TRIM39: variants seen among roughly 807,000 people sequenced by gnomAD.
TRIM39 encodes tripartite motif containing 39.
A neutral mutation model predicts 53.6 loss-of-function variants in TRIM39; 5 were observed. The observed-to-expected ratio is 0.09, with a 90% confidence interval of 0.05 to 0.20. The LOEUF is 0.20. Ranked by LOEUF, TRIM39 falls within the 10% of genes least tolerant of loss-of-function variation. The pLI is 1.00. For synonymous variants in TRIM39, 196 were observed against 237.6 expected, an observed-to-expected ratio of 0.82 and a Z score of 1.61; for missense variants, 310 against 621.0, an observed-to-expected ratio of 0.50 and a Z score of 5.32.
At chr6:30,332,075 T>C (rs1025621942) in intron 4 of TRIM39, among the ~76,000 whole-genome samples, 1 of 152,200 alleles carries the variant, frequency 6.6e-6, no homozygotes, top group Non-Finnish European at 1.5e-5. Flanking sequence ...AACCTAGATA[T>C]TCTTTAAGGT....
chr6:30,342,505 C>A lies in TRIM39; in HGVS notation c.*246C>A. On this transcript the variant is annotated 3_prime_UTR_variant, in exon 8 of 8. Transcript: ENST00000396551. The surrounding 1 kb of genome is among the most constrained non-coding windows in gnomAD (Gnocchi z 4.7). The stretch of plus-strand genomic sequence containing the variant: ...GCTGGTTCCCAGAGGATTGTCTACC[C>A]TGAAGTCCATCAGGTTTTCTGTTGC... 1 of 580,884 alleles carries A rather than the reference C, an allele frequency of 1.7e-6. No individual in the cohort carries two copies. Among genetic ancestry groups the A allele is most frequent in the Non-Finnish European group, 3.0e-6 (1 of 328,454 alleles). 36.0% of individuals were successfully genotyped at this position (580,884 alleles called of 1,614,324 possible). A position where few individuals can be genotyped will look rare whatever the true frequency, so the allele number is the denominator to read the frequency against.
chr6:30,333,483 A>G (rs1187985680), intron 4 of TRIM39, among the ~76,000 whole-genome samples: 4 of 146,390 alleles, frequency 2.7e-5, no homozygotes, highest in Non-Finnish European at 4.5e-5. Context: ...TCAGCCTCCC[A>G]AGTACCTGGG....
intron 3 of TRIM39, among the ~76,000 whole-genome samples, 153 bp from the exon 4 acceptor site, chr6:30,330,628 C>T (rs1442936759): frequency 6.6e-6 from 1 of 152,084 alleles, no homozygotes; most frequent in Non-Finnish European, 1.5e-5. Flanking sequence ...AGTTGACATC[C>T]CAAATGACAG....
chr6:30,337,232 A>G (rs1056174710), intron 5 of TRIM39, among the ~76,000 whole-genome samples: 6 of 151,310 alleles, frequency 4.0e-5, no homozygotes, highest in African/African-American at 1.5e-4. Flanking sequence ...GTGAAGCCCA[A>G]TCTCTACTAA....
intron 7 of TRIM39, 148 bp from the exon 8 acceptor site, chr6:30,341,564 C>T (rs1787552028): frequency 8.5e-7 from 1 of 1,177,044 alleles, no homozygotes; most frequent in South Asian, 1.5e-5. Context: ...CCTTAGGTGA[C>T]ACCATGGATT....
rs1392032894 is a variant in TRIM39, at chr6:30,342,864, GTCT to G, written c.*609_*611del. ...AATGAAGAGGAGGGAGGTTTCTTTG[GTCT>G]TCTATTCCAAGGGTAAGGTTGCGAT... On this transcript the variant is annotated 3_prime_UTR_variant, in exon 8 of 8. Coordinates refer to ENST00000396551, the Ensembl canonical transcript of TRIM39. This position sits in a 1 kb window ranked among gnomAD's most constrained non-coding sequence, Gnocchi z 4.7. 1.3e-5 allele frequency: 2 copies of G among 152,984 alleles called. No individual in the cohort carries two copies. The highest frequency in any genetic ancestry group is 1.9e-4 in the East Asian group (1 of 5,182). The allele number at this position is 152,984 out of a possible 1,614,324, so 9.5% of individuals were successfully genotyped here. A position where few individuals can be genotyped will look rare whatever the true frequency, so the allele number is the denominator to read the frequency against.
intron 4 of TRIM39, among the ~76,000 whole-genome samples, chr6:30,333,338 G>GT (rs1446670674): frequency 7.2e-6 from 1 of 139,740 alleles, no homozygotes; most frequent in Non-Finnish European, 1.6e-5. Context: ...CCAGGCCTAT[G>GT]TTTTTGTTTT....
Position 30,329,305 on chromosome 6 carries a change from C to T in TRIM39, c.-7-6C>T. 2 of 1,602,132 alleles carry T rather than the reference C, an allele frequency of 1.2e-6. No individual in the cohort carries two copies. Among genetic ancestry groups the T allele is most frequent in the South Asian group, 2.2e-5 (2 of 90,358 alleles). On this transcript the variant is annotated splice_polypyrimidine_tract_variant and splice_region_variant and intron_variant, in intron 2 of 7. Transcript: ENST00000396551. Reference sequence around the variant, plus strand: ...TATTTTCTCTGTCCTCTTCCCCACTCCCAAGTTAAATTATGGCAGAGACAA... The same window carrying T: ...TATTTTCTCTGTCCTCTTCCCCACTTCCAAGTTAAATTATGGCAGAGACAA...
chr6:30,336,145 TC>T (rs1262784611), intron 5 of TRIM39, 170 bp downstream of exon 5: 3 of 982,794 alleles, frequency 3.1e-6, no homozygotes, highest in Admixed American at 2.0e-5. Flanking sequence ...ATTTCTCCCA[TC>T]CCCTTCTAAC....
chr6:30,340,593 C>T (rs1787397560), exon 7 of TRIM39: 1 of 1,612,934 alleles, frequency 6.2e-7, no homozygotes, highest in East Asian at 2.2e-5. Context: ...GTACTTTGCC[C>T]TAAGGAAAAT....
exon 3 of TRIM39, chr6:30,329,321 G>C: frequency 1.2e-6 from 2 of 1,607,380 alleles, no homozygotes; most frequent in Non-Finnish European, 1.7e-6. Context: ...TTAAATTATG[G>C]CAGAGACAAG....
rs1405978499 is a variant in TRIM39, at chr6:30,339,748, G to A, written c.781-160G>A. Among the ~76,000 whole-genome samples the A allele has an allele frequency of 2.0e-5, 3 of 152,210 alleles. No homozygotes were observed. Among genetic ancestry groups the A allele is most frequent in the African/African-American group, 7.2e-5 (3 of 41,460 alleles). On this transcript the variant is annotated intron_variant, in intron 5 of 7. Transcript: ENST00000396551. The surrounding 1 kb of genome is among the most constrained non-coding windows in gnomAD (Gnocchi z 4.2). ...AAGTAGGGATTAGGTTGGGAGAAGT[G>A]CATTCAGGTCCCGCTGGAGCTCTTC...
At chr6:30,328,622 A>T (rs1785714310) in intron 1 of TRIM39, among the ~76,000 whole-genome samples, 1 of 152,140 alleles carries the variant, frequency 6.6e-6, no homozygotes, top group Admixed American at 6.5e-5. Context: ...TGGTGATAGA[A>T]CAAAAGTTAT....
At position 30,338,849 on chromosome 6, in the gene TRIM39, C is replaced by A. The variant is rs192833981; in HGVS notation, c.781-1059C>A. Among the ~76,000 whole-genome samples the A allele has an allele frequency of 6.6e-6, 1 of 152,106 alleles. No individual in the cohort carries two copies. The highest frequency in any genetic ancestry group is 1.9e-4 in the East Asian group (1 of 5,184). On this transcript the variant is annotated intron_variant, in intron 5 of 7. Coordinates refer to ENST00000396551, the Ensembl canonical transcript of TRIM39. The surrounding 1 kb of genome is among the most constrained non-coding windows in gnomAD (Gnocchi z 4.0). ...TTTTGATATGTATATATTAATAATA[C>A]CTCTAAAGTGTTTGAAATATTTTGT... is the stretch of plus-strand genomic sequence containing the variant.
chr6:30,341,975 G>C, exon 8 of TRIM39: 1 of 1,613,108 alleles, frequency 6.2e-7, no homozygotes, highest in Non-Finnish European at 8.5e-7. Flanking sequence ...TCCACTCCCT[G>C]AGACTGGCTA....
In TRIM39 at chr6:30,329,323, A is replaced by G. The variant is rs984710153; in HGVS notation, c.6A>G (p.Ala2=). 1.3e-5 allele frequency: 21 copies of G among 1,607,626 alleles called. No individual in the cohort carries two copies. In the African/African-American group the frequency reaches 2.8e-4, roughly 22 times the overall value. Residue 2 remains alanine (A), a synonymous_variant, in exon 3 of 8, where the codon GCA becomes GCG. Coordinates refer to ENST00000396551, the Ensembl canonical transcript of TRIM39. ...CCCCACTCCCAAGTTAAATTATGGC[A>G]GAGACAAGTCTGTTAGAGGCTGGGG...
chr6:30,334,721 C>T (rs1207283162), intron 4 of TRIM39, among the ~76,000 whole-genome samples: 1 of 152,092 alleles, frequency 6.6e-6, no homozygotes, highest in East Asian at 1.9e-4. Flanking sequence ...TTTGTACTTT[C>T]CTTTTTGTTT....
At chr6:30,330,182 A>G (rs1041354472) in intron 3 of TRIM39, among the ~76,000 whole-genome samples, 2 of 152,236 alleles carry the variant, frequency 1.3e-5, no homozygotes, top group Non-Finnish European at 2.9e-5. Flanking sequence ...ACTGATACCT[A>G]CCGGACTAAG....
exon 3 of TRIM39, chr6:30,329,728 C>T (rs1264581): frequency 0.07 from 113,057 of 1,612,956 alleles, 4,590 homozygotes; most frequent in Middle Eastern, 0.13. Flanking sequence ...CCCACCGGGC[C>T]CACACCGTTG....
Sources: gnomAD v4.1 joint callset for allele counts (sites outside exome capture counted in the v4.1 genomes callset) on GRCh38, gnomAD v4.1.1 for gene constraint, Gnocchi (gnomAD v3.1) non-coding constraint, MANE v1.5 for transcripts, NCBI Gene and HGNC (gene_info 2026-07-23, HGNC 2026-07-21) for gene names.